Variants in ETF1 observed in about 807,000 individuals in gnomAD.
ETF1 encodes eukaryotic peptide chain release factor subunit 1.
In ETF1, 4 loss-of-function variants were observed where a neutral mutation model predicts 55.1. The observed-to-expected ratio is 0.07, with a 90% CI of 0.04 to 0.17. The LOEUF (loss-of-function observed/expected upper bound fraction) is 0.17. Among genes scored for constraint, ETF1 ranks in the 10% least tolerant of loss-of-function variants. The probability of loss-of-function intolerance (pLI) is 1.00; values close to 1 mark genes in which losing one functional copy is unlikely to be tolerated. For synonymous variants in ETF1, 157 were observed against 182.3 expected (o/e 0.86, Z 1.12); for missense variants, 142 against 523.6 (o/e 0.27, Z 7.11).
intron 9 of ETF1, among the ~76,000 whole-genome samples, chr5:138,509,993 G>A (rs895415247): frequency 4.6e-5 from 7 of 150,954 alleles, no homozygotes; most frequent in African/African-American, 1.2e-4. Flanking sequence ...CCAGGGGTTC[G>A]AGGTTATAGT....
chr5:138,533,533 A>C (rs1308445686), intron 2 of ETF1, among the ~76,000 whole-genome samples: 1 of 152,064 alleles, frequency 6.6e-6, no homozygotes, highest in Non-Finnish European at 1.5e-5. Context: ...TAAAAATACA[A>C]AACTTAGCTG....
chr5:138,510,322 C>T (rs1378753730), intron 9 of ETF1, among the ~76,000 whole-genome samples: 10 of 138,502 alleles, frequency 7.2e-5, no homozygotes, highest in African/African-American at 2.7e-4. Flanking sequence ...CATGCCACTG[C>T]ACTCCAGCTT....
intron 2 of ETF1, among the ~76,000 whole-genome samples, chr5:138,519,553 T>C (rs1445559301): frequency 1.3e-5 from 2 of 151,770 alleles, no homozygotes; most frequent in Admixed American, 6.6e-5. Context: ...ATCCCAGCTA[T>C]TCAGGTGGCT....
chr5:138,511,780 C>T (rs1764795390), intron 6 of ETF1, 176 bp from the exon 7 acceptor site: 4 of 981,780 alleles, frequency 4.1e-6, no homozygotes, highest in Non-Finnish European at 4.8e-6. Flanking sequence ...TTAAAGTGAA[C>T]AGCACTGCCA....
intron 2 of ETF1, among the ~76,000 whole-genome samples, chr5:138,534,447 A>G (rs949792321): frequency 1.3e-5 from 2 of 152,256 alleles, no homozygotes; most frequent in African/African-American, 4.8e-5. Context: ...TTCGGGATTC[A>G]TTACTTCACT....
intron 2 of ETF1, among the ~76,000 whole-genome samples, chr5:138,524,720 G>A (rs1226054315): frequency 6.6e-6 from 1 of 151,574 alleles, no homozygotes; most frequent in Non-Finnish European, 1.5e-5. Flanking sequence ...TGGGACTACA[G>A]GCACACGCCA....
At chr5:138,523,636 A>T (rs1765331668) in intron 2 of ETF1, among the ~76,000 whole-genome samples, 1 of 152,182 alleles carries the variant, frequency 6.6e-6, no homozygotes, top group Admixed American at 6.5e-5. Flanking sequence ...GGGGCTGAGG[A>T]GAGGGAGGAA....
chr5:138,538,993 A>G (rs980158580), intron 2 of ETF1, among the ~76,000 whole-genome samples: 1 of 152,254 alleles, frequency 6.6e-6, no homozygotes, highest in Non-Finnish European at 1.5e-5. Context: ...TAAGATATCA[A>G]CAAGTTATTT....
intron 4 of ETF1, 95 bp from the exon 5 acceptor site, chr5:138,513,801 C>G: frequency 7.2e-7 from 1 of 1,381,878 alleles, no homozygotes; most frequent in Non-Finnish European, 9.6e-7. Context: ...TTTCACTCCA[C>G]TCACCATGCT....
chr5:138,534,871 TG>T (rs1054097489), intron 2 of ETF1, among the ~76,000 whole-genome samples: 1 of 151,566 alleles, frequency 6.6e-6, no homozygotes, highest in African/African-American at 2.4e-5. Context: ...TCTTCATCCA[TG>T]AAATGGCAAT....
chr5:138,516,679 T>G (rs964435677), intron 4 of ETF1, among the ~76,000 whole-genome samples: 1 of 152,194 alleles, frequency 6.6e-6, no homozygotes. Context: ...TAAATGTAAA[T>G]TGCCTTACTT....
intron 2 of ETF1, among the ~76,000 whole-genome samples, chr5:138,534,426 C>G (rs1765831052): frequency 6.6e-6 from 1 of 152,226 alleles, no homozygotes; most frequent in Non-Finnish European, 1.5e-5. Flanking sequence ...AGACTGCAAT[C>G]ACAACCAGTG....
chr5:138,539,110 A>T (rs190989983), intron 2 of ETF1, among the ~76,000 whole-genome samples: 7 of 152,220 alleles, frequency 4.6e-5, no homozygotes, highest in Admixed American at 3.9e-4. Flanking sequence ...CCAAGTGTTC[A>T]TTGGATAAGA....
intron 2 of ETF1, among the ~76,000 whole-genome samples, chr5:138,528,518 T>C (rs1052023485): frequency 2.0e-5 from 3 of 152,206 alleles, no homozygotes; most frequent in African/African-American, 4.8e-5. Context: ...TGTTATAGGA[T>C]TCCACTTTAA....
intron 3 of ETF1, 40 bp downstream of exon 3, chr5:138,518,652 A>G (rs1765118261): frequency 3.2e-6 from 5 of 1,579,058 alleles, no homozygotes; most frequent in Non-Finnish European, 3.5e-6. Context: ...AAACATAACC[A>G]AAATGTGTAG....
At position 138,513,871 on chromosome 5, in the gene ETF1, A is replaced by T. The variant is rs536385316; in HGVS notation, c.403-165T>A. ...TTATAGACTTCAGTTATAAACATGT[A>T]ACTCTTATGGACAAATTTGAACCCA... On this transcript the variant is annotated intron_variant, in intron 4 of 10. Coordinates refer to ENST00000360541, the MANE Select transcript of ETF1 (RefSeq NM_004730.4). 4 of 794,056 alleles carry T rather than the reference A, an allele frequency of 5.0e-6. No homozygotes were observed. The Admixed American group carries it at 2.5e-4, about 49-fold the overall frequency. 49.2% of individuals were successfully genotyped at this position (794,056 alleles called of 1,614,324 possible).
At chr5:138,534,965 CT>C (rs70982719) in intron 2 of ETF1, among the ~76,000 whole-genome samples, 47,423 of 125,916 alleles carry the variant, frequency 0.38, 7,236 homozygotes, top group East Asian at 0.68. Flanking sequence ...AAACTAGTTT[CT>C]TTTTTTTTTT....
At chr5:138,529,872 G>T in intron 2 of ETF1, 1 of 187,246 alleles carries the variant, frequency 5.3e-6, no homozygotes, top group Non-Finnish European at 1.0e-5. Flanking sequence ...TCCCACCCTA[G>T]CCTGGGACTA....
In ETF1 at chr5:138,506,556, T is replaced by C. The variant is rs1267127691; in HGVS notation, c.*1749A>G. On this transcript the variant is annotated 3_prime_UTR_variant, in exon 11 of 11. Coordinates refer to ENST00000360541, the MANE Select transcript of ETF1 (RefSeq NM_004730.4). ...CGCTCTTGGGTGTTCTGCAAACAAA[T>C]AGCAGAGCCCAAAGCAAAAAAGCCT... is the stretch of plus-strand genomic sequence containing the variant. 3.3e-5 allele frequency: 5 copies of C among 152,614 alleles called. No homozygotes were observed. Among genetic ancestry groups the C allele is most frequent in the Non-Finnish European group, 7.4e-5 (5 of 68,026 alleles). 9.5% of individuals were successfully genotyped at this position (152,614 alleles called of 1,614,324 possible).
Sources: gnomAD v4.1 joint callset for allele counts (sites outside exome capture counted in the v4.1 genomes callset) on GRCh38, gnomAD v4.1.1 for gene constraint, MANE v1.5 for transcripts, NCBI Gene and HGNC (gene_info 2026-07-23, HGNC 2026-07-21) for gene names.